Variants in H1-8 observed in about 807,000 individuals in gnomAD.
H1-8 encodes H1.8 linker histone, also known as histone H1.8.
Under a neutral mutation model 19.5 loss-of-function variants are expected in H1-8, and 13 were observed. That is an observed-to-expected ratio of 0.67 (90% CI 0.43 to 1.06). The LOEUF is 1.06. Among genes scored for constraint, H1-8 ranks in the 50% least tolerant of loss-of-function variants. H1-8 has a pLI of 0.00. For synonymous variants in H1-8, 193 were observed against 187.6 expected, an observed-to-expected ratio of 1.03 and a Z score of -0.24; for missense variants, 432 against 459.8, an observed-to-expected ratio of 0.94 and a Z score of 0.55.
chr3:129,547,287 G>A lies in H1-8; in HGVS notation c.89-104G>A, dbSNP rs548204856. 6.1e-5 allele frequency: 72 copies of A among 1,179,810 alleles called. No homozygotes were observed. The Middle Eastern group carries it at 7.8e-4, about 13-fold the overall frequency. 73.1% of individuals were successfully genotyped at this position (1,179,810 alleles called of 1,614,324 possible). ...CGGTCAGTGTCTTGGGGAGAGGGGG[G>A]CATCTGATCCTTGCTGGACCCTCAC... On this transcript the variant is annotated intron_variant, in intron 1 of 4. Transcript: ENST00000324382.
At chr3:129,544,845 A>G (rs2084876266) in intron 1 of H1-8, among the ~76,000 whole-genome samples, 1 of 151,992 alleles carries the variant, frequency 6.6e-6, no homozygotes, top group South Asian at 2.1e-4. Flanking sequence ...GGGAAGACTG[A>G]GGCCTAGAGG....
Position 129,549,069 on chromosome 3 carries a change from G to C in H1-8, c.447G>C (p.Ala149=). The part of the protein sequence containing the change: ...KMAPATAPRR[A]GEAKGKGPKK... ...CCCCCGCGACGGCTCCCAGGAGAGC[G>C]GGTGAGGCCAAGGGGAAGGGCCCCA... is the stretch of plus-strand genomic sequence containing the variant. The change falls in exon 3 of 5, where the codon GCG becomes GCC. Residue 149 remains alanine (A), a synonymous_variant. Coordinates refer to ENST00000324382, the MANE Select transcript of H1-8 (RefSeq NM_153833.3). 3.7e-6 allele frequency: 6 copies of C among 1,612,552 alleles called. No homozygotes were observed. Among genetic ancestry groups the C allele is most frequent in the Non-Finnish European group, 5.1e-6 (6 of 1,179,152 alleles).
chr3:129,545,250 C>T (rs1169834520), intron 1 of H1-8, among the ~76,000 whole-genome samples: 5 of 151,866 alleles, frequency 3.3e-5, no homozygotes, highest in African/African-American at 7.3e-5. Context: ...TTCGTAGAGT[C>T]GAGGTCTCAC....
intron 3 of H1-8, among the ~76,000 whole-genome samples, chr3:129,549,988 G>A (rs1299348843): frequency 1.3e-5 from 2 of 152,146 alleles, no homozygotes; most frequent in African/African-American, 2.4e-5. Context: ...GAGTATTTGA[G>A]GAACTGCATG....
At chr3:129,543,715 C>G (rs542146548) in intron 1 of H1-8, among the ~76,000 whole-genome samples, 27 of 152,316 alleles carry the variant, frequency 1.8e-4, no homozygotes, top group African/African-American at 6.5e-4. Context: ...AAAAACACCT[C>G]AGGGTTTATC....
In H1-8 at chr3:129,547,409, T is replaced by TGCCCC; in HGVS notation, c.107_108insGCCCC (p.Gly39HisfsTer61). On this transcript the variant is annotated frameshift_variant, in exon 2 of 5. Transcript: ENST00000324382. LOFTEE classifies it high-confidence loss of function. The stretch of plus-strand genomic sequence containing the variant: ...TCCTCAGGCCCGAGCCACGGCGGTG[T>TGCCCC]CCCACCAGGAGGCCCGAGCCACAGC... 2 of 1,414,926 alleles carry TGCCCC rather than the reference T, an allele frequency of 1.4e-6. No homozygotes were observed. The highest frequency in any genetic ancestry group is 2.7e-5 in the Admixed American group (1 of 37,464). The allele number at this position is 1,414,926 out of a possible 1,614,324, so 87.6% of individuals were successfully genotyped here.
At chr3:129,543,354 C>T in intron 1 of H1-8, 48 bp downstream of exon 1, 1 of 1,422,344 alleles carries the variant, frequency 7.0e-7, no homozygotes, top group Non-Finnish European at 9.8e-7. Flanking sequence ...AGCCCACTCC[C>T]TGGGTTGCCT....
intron 3 of H1-8, among the ~76,000 whole-genome samples, chr3:129,550,164 G>T (rs1204791609): frequency 6.6e-6 from 1 of 152,084 alleles, no homozygotes; most frequent in Non-Finnish European, 1.5e-5. Flanking sequence ...ACAGGCTCTT[G>T]CTCTGTCACA....
chr3:129,546,088 G>GCTA (rs1195298940), intron 1 of H1-8, among the ~76,000 whole-genome samples: 1 of 150,950 alleles, frequency 6.6e-6, no homozygotes, highest in Admixed American at 6.6e-5. Context: ...ACTAAACTGA[G>GCTA]CAATGTAGTG....
intron 1 of H1-8, among the ~76,000 whole-genome samples, chr3:129,543,960 G>A (rs79782404): frequency 3.3e-5 from 5 of 152,210 alleles, no homozygotes; most frequent in Admixed American, 2.6e-4. Context: ...TCAGCCGGGG[G>A]AAGTGTTCTA....
At chr3:129,549,475 C>A (rs2084917957) in intron 3 of H1-8, 111 bp downstream of exon 3, 1 of 1,278,766 alleles carries the variant, frequency 7.8e-7, no homozygotes, top group Non-Finnish European at 1.1e-6. Context: ...GTGCATGTGT[C>A]CTGAGTGCTG....
At chr3:129,544,528 T>TGG (rs985471700) in intron 1 of H1-8, among the ~76,000 whole-genome samples, 1 of 132,644 alleles carries the variant, frequency 7.5e-6, no homozygotes, top group African/African-American at 2.9e-5. Flanking sequence ...GTATGGGCAG[T>TGG]GGGGGCATGG....
chr3:129,549,292 G>GC lies in H1-8; in HGVS notation c.672dup (p.Met225HisfsTer27). ...GAAGGTGCCCCCCAAGCCAGACAAG[G>GC]CCATGCGGGCACCTTCCAGTGCTGG... is the stretch of plus-strand genomic sequence containing the variant. On this transcript the variant is annotated frameshift_variant, in exon 3 of 5. Coordinates refer to ENST00000324382, the MANE Select transcript of H1-8 (RefSeq NM_153833.3). LOFTEE classifies it high-confidence loss of function. 1 of 1,595,104 alleles carries GC rather than the reference G, an allele frequency of 6.3e-7. No homozygotes were observed. Among genetic ancestry groups the GC allele is most frequent in the Non-Finnish European group, 8.5e-7 (1 of 1,172,948 alleles).
In H1-8 at chr3:129,547,497, TG is replaced by T; in HGVS notation, c.199del (p.Glu67SerfsTer31). 6.4e-7 allele frequency: 1 copy of T among 1,560,096 alleles called. No individual in the cohort carries two copies. Among genetic ancestry groups the T allele is most frequent in the Non-Finnish European group, 8.7e-7 (1 of 1,152,572 alleles). On this transcript the variant is annotated frameshift_variant, in exon 2 of 5. Coordinates refer to ENST00000324382, the MANE Select transcript of H1-8 (RefSeq NM_153833.3). LOFTEE classifies it high-confidence loss of function. The stretch of plus-strand genomic sequence containing the variant: ...GCATGGTGCTGGAGGCGCTGCAGGC[TG>T]GGGAGCAGCGCCGGGGCACGTCGGT... ...LRMVLEALQA[G>X]EQRRGTSVAA... is the part of the protein sequence containing the mutation.
rs1212530653 is a variant in H1-8, at chr3:129,551,287, C to A, written c.988C>A (p.Leu330Met). Reference sequence around the variant, plus strand: ...CCCCAAGGGCCCTAGAAAGGCTGGGCTGCCCATCAAGGCCTCATCATCCAA... The same window carrying A: ...CCCCAAGGGCCCTAGAAAGGCTGGGATGCCCATCAAGGCCTCATCATCCAA... The part of the protein sequence containing the change: ...EAPKGPRKAG[L>M]PIKASSSKVS... The change falls in exon 5 of 5, where the codon CTG becomes ATG. Residue 330 changes from leucine (L) to methionine (M), a missense_variant. Coordinates refer to ENST00000324382, the MANE Select transcript of H1-8 (RefSeq NM_153833.3). 1.2e-6 allele frequency: 2 copies of A among 1,614,032 alleles called. No homozygotes were observed. The highest frequency in any genetic ancestry group is 1.7e-6 in the Non-Finnish European group (2 of 1,180,012).
intron 1 of H1-8, among the ~76,000 whole-genome samples, 182 bp downstream of exon 1, chr3:129,543,488 GC>G (rs2108753757): frequency 6.7e-6 from 1 of 149,764 alleles, no homozygotes; most frequent in African/African-American, 2.5e-5. Flanking sequence ...GAGCTCAACT[GC>G]CTTTTGGCTG....
At chr3:129,548,322 G>A in intron 2 of H1-8, 2 of 985,972 alleles carry the variant, frequency 2.0e-6, no homozygotes, top group Non-Finnish European at 2.4e-6. Context: ...GTGGTTACCT[G>A]GTGACAGATC....
chr3:129,544,724 G>T (rs1173801943), intron 1 of H1-8, among the ~76,000 whole-genome samples: 1 of 152,014 alleles, frequency 6.6e-6, no homozygotes, highest in African/African-American at 2.4e-5. Context: ...CAGAGGAGGG[G>T]TTGGAGCTGC....
Position 129,551,315 on chromosome 3 carries a change from T to G in H1-8, c.1016T>G (p.Val339Gly). The G allele has an allele frequency of 6.2e-7, 1 of 1,613,536 alleles. No homozygotes were observed. Among genetic ancestry groups the G allele is most frequent in the Non-Finnish European group, 8.5e-7 (1 of 1,179,862 alleles). The change falls in exon 5 of 5, where the codon GTG becomes GGG. Residue 339 changes from valine (V) to glycine (G), a missense_variant. By Grantham distance (109) the Val-to-Gly change is moderately radical (BLOSUM62 -3). Transcript: ENST00000324382. Reference protein sequence around the residue: ...GLPIKASSSKVSSQRAEA With the variant: ...GLPIKASSSKGSSQRAEA Reference sequence around the variant, plus strand: ...CCCATCAAGGCCTCATCATCCAAAGTGTCCAGCCAGAGGGCTGAAGCTTAG... The same window carrying G: ...CCCATCAAGGCCTCATCATCCAAAGGGTCCAGCCAGAGGGCTGAAGCTTAG...
Sources: allele counts gnomAD v4.1 joint callset (sites outside exome capture counted in the v4.1 genomes callset), GRCh38; gene constraint gnomAD v4.1.1; transcripts MANE v1.5; gene names NCBI Gene and HGNC (gene_info 2026-07-23, HGNC 2026-07-21).